Variants in KCTD16 observed in about 807,000 individuals in gnomAD.
KCTD16 encodes the protein BTB/POZ domain-containing protein KCTD16.
A neutral mutation model predicts 33.2 loss-of-function variants in KCTD16; 13 were observed. That is an observed-to-expected ratio of 0.39 (90% CI 0.25 to 0.62). KCTD16 has a LOEUF of 0.62. Ranked by LOEUF, KCTD16 falls within the 20% of genes least tolerant of loss-of-function variation. KCTD16 has a pLI of 0.50. For missense variants in KCTD16, 441 were observed against 525.1 expected (o/e 0.84, Z 1.57); for synonymous variants, 197 against 195.3 (o/e 1.01, Z -0.07).
chr5:144,375,069 G>A (rs879648546), intron 3 of KCTD16, among the ~76,000 whole-genome samples: 1 of 152,184 alleles, frequency 6.6e-6, no homozygotes, highest in Non-Finnish European at 1.5e-5. Context: ...TTGGCAAAGG[G>A]ATTGACCACA....
At position 144,484,529 on chromosome 5, in the gene KCTD16, C is replaced by T. The variant is rs1754764422; in HGVS notation, c.*10415C>T. On this transcript the variant is annotated 3_prime_UTR_variant, in exon 4 of 4. Transcript: ENST00000512467. ...ACTTTTTTACATAACATCAGCACCA[C>T]CCCTTACACTTTTAAAGTTAAAGAC... The T allele has an allele frequency of 6.6e-6, 1 of 151,932 alleles. No individual in the cohort carries two copies. The highest frequency in any genetic ancestry group is 6.6e-5 in the Admixed American group (1 of 15,220). 9.4% of individuals were successfully genotyped at this position (151,932 alleles called of 1,614,324 possible). A position where few individuals can be genotyped will look rare whatever the true frequency, so the allele number is the denominator to read the frequency against.
At chr5:144,195,236 TATATGTGCC>T (rs1752919092) in intron 2 of KCTD16, among the ~76,000 whole-genome samples, 1 of 152,250 alleles carries the variant, frequency 6.6e-6, no homozygotes, top group Non-Finnish European at 1.5e-5. Flanking sequence ...ACATTGATGC[TATATGTGCC>T]TTTGGCCCAA....
intron 3 of KCTD16, among the ~76,000 whole-genome samples, chr5:144,365,569 C>A (rs1166507790): frequency 1.3e-5 from 2 of 152,152 alleles, no homozygotes; most frequent in Non-Finnish European, 2.9e-5. Flanking sequence ...CAATAGGGAT[C>A]AATACTCTTT....
At chr5:144,296,987 T>C (rs1268903018) in intron 3 of KCTD16, among the ~76,000 whole-genome samples, 4 of 152,224 alleles carry the variant, frequency 2.6e-5, no homozygotes, top group African/African-American at 9.7e-5. Flanking sequence ...TTGAATTTGC[T>C]CATGTCCTGA....
At chr5:144,357,497 C>G (rs1046816512) in intron 3 of KCTD16, among the ~76,000 whole-genome samples, 1 of 152,172 alleles carries the variant, frequency 6.6e-6, no homozygotes, top group African/African-American at 2.4e-5. Flanking sequence ...AAATAAAACA[C>G]TCTAGCCATC....
At chr5:144,273,966 A>G (rs1462115656) in intron 3 of KCTD16, among the ~76,000 whole-genome samples, 2 of 150,548 alleles carry the variant, frequency 1.3e-5, no homozygotes, top group Non-Finnish European at 3.0e-5. Flanking sequence ...TATACGTAAC[A>G]TATTATATTA....
chr5:144,233,219 T>C (rs558940948), intron 3 of KCTD16, among the ~76,000 whole-genome samples: 10 of 152,172 alleles, frequency 6.6e-5, no homozygotes, highest in Non-Finnish European at 1.2e-4. Flanking sequence ...AAAAAAAGGG[T>C]CTTCCATCAT....
intron 3 of KCTD16, among the ~76,000 whole-genome samples, chr5:144,250,181 T>C (rs1331078229): frequency 6.6e-6 from 1 of 152,170 alleles, no homozygotes; most frequent in African/African-American, 2.4e-5. Flanking sequence ...TAATGGTTGG[T>C]TCTAATATGT....
At position 144,277,603 on chromosome 5, in the gene KCTD16, T is replaced by A. The variant is rs189605333; in HGVS notation, c.832+70057T>A. ...GCCAGCATTATCAATGTGATTTTTT[T>A]AAATTGATTTTTGAAAACATTTACA... is the stretch of plus-strand genomic sequence containing the variant. On this transcript the variant is annotated intron_variant, in intron 3 of 3. Transcript: ENST00000512467. 1.2e-3 allele frequency among the ~76,000 whole-genome samples: 183 copies of A among 152,366 alleles called. 1 individual carries two copies. The highest frequency in any genetic ancestry group is 3.4e-3 in the Middle Eastern group (1 of 294).
At chr5:144,332,806 C>T (rs964481833) in intron 3 of KCTD16, among the ~76,000 whole-genome samples, 6 of 152,182 alleles carry the variant, frequency 3.9e-5, no homozygotes, top group South Asian at 4.2e-4. Flanking sequence ...AAGACATACC[C>T]GAGACTGGGT....
chr5:144,270,111 A>C (rs1755253183), intron 3 of KCTD16, among the ~76,000 whole-genome samples: 1 of 152,074 alleles, frequency 6.6e-6, no homozygotes, highest in Non-Finnish European at 1.5e-5. Flanking sequence ...AATAAATAGC[A>C]AAATGACAGA....
intron 3 of KCTD16, among the ~76,000 whole-genome samples, chr5:144,350,756 C>T (rs1751400357): frequency 6.7e-6 from 1 of 150,192 alleles, no homozygotes; most frequent in Admixed American, 6.6e-5. Flanking sequence ...TCAGGTAACC[C>T]TGCATTGGTG....
chr5:144,254,052 G>A (rs1355783052), intron 3 of KCTD16, among the ~76,000 whole-genome samples: 1 of 152,142 alleles, frequency 6.6e-6, no homozygotes, highest in Non-Finnish European at 1.5e-5. Context: ...ACAATTTGTT[G>A]TCTCCTGACC....
rs555399100 is a variant in KCTD16 at position 144,318,259 on chromosome 5, GA to G, written c.832+110714del. Among the ~76,000 whole-genome samples, 229 of 152,308 alleles carry G rather than the reference GA, an allele frequency of 1.5e-3. 1 individual carries two copies. The highest frequency in any genetic ancestry group is 5.4e-3 in the African/African-American group (223 of 41,578). Reference sequence around the variant, plus strand: ...CTTTCCTTTTGCAGCTTGGGACTAAGAGGAGGAATTTATGTATATATTAGTA... The same window carrying G: ...CTTTCCTTTTGCAGCTTGGGACTAAGGGAGGAATTTATGTATATATTAGTA... On this transcript the variant is annotated intron_variant, in intron 3 of 3. Coordinates refer to ENST00000512467, the MANE Select transcript of KCTD16 (RefSeq NM_020768.4).
chr5:144,318,110 C>T (rs547249065), intron 3 of KCTD16, among the ~76,000 whole-genome samples: 1 of 152,238 alleles, frequency 6.6e-6, no homozygotes, highest in African/African-American at 2.4e-5. Context: ...CTTTCAATTC[C>T]AAGTTGAGGA....
chr5:144,459,648 C>A (rs1485026178), intron 3 of KCTD16, among the ~76,000 whole-genome samples: 2 of 151,770 alleles, frequency 1.3e-5, no homozygotes, highest in African/African-American at 4.8e-5. Context: ...CTGTGCTTGG[C>A]CTTATAGTCC....
At chr5:144,460,687 C>T (rs1754174452) in intron 3 of KCTD16, among the ~76,000 whole-genome samples, 1 of 152,152 alleles carries the variant, frequency 6.6e-6, no homozygotes, top group African/African-American at 2.4e-5. Context: ...GGTGGTCCAC[C>T]CTCGGCCTCC....
chr5:144,438,762 A>G (rs1190194834), intron 3 of KCTD16, among the ~76,000 whole-genome samples: 1 of 152,238 alleles, frequency 6.6e-6, no homozygotes, highest in Non-Finnish European at 1.5e-5. Flanking sequence ...CCAAGGACAG[A>G]AAGTATGTTT....
chr5:144,464,854 T>C (rs1244181939), intron 3 of KCTD16, among the ~76,000 whole-genome samples: 1 of 152,160 alleles, frequency 6.6e-6, no homozygotes, highest in Non-Finnish European at 1.5e-5. Flanking sequence ...CCCTCTCTGT[T>C]GGGCCCAAGT....
Sources: gnomAD v4.1 joint callset for allele counts (sites outside exome capture counted in the v4.1 genomes callset) on GRCh38, gnomAD v4.1.1 for gene constraint, MANE v1.5 for transcripts, NCBI Gene and HGNC (gene_info 2026-07-23, HGNC 2026-07-21) for gene names.